KIF1B: variants seen among roughly 807,000 people sequenced by gnomAD.
KIF1B encodes kinesin-like protein KIF1B.
KIF1B carries 76 observed loss-of-function variants against 241.9 expected under a neutral mutation model. That is an observed-to-expected ratio of 0.31 (90% confidence interval 0.26 to 0.38). The LOEUF is 0.38. Among genes scored for constraint, KIF1B ranks in the 10% least tolerant of loss-of-function variants. The probability of loss-of-function intolerance (pLI) is 1.00; values close to 1 mark genes in which losing one functional copy is unlikely to be tolerated. For synonymous variants in KIF1B, 750 were observed against 796.7 expected (o/e 0.94, Z 0.99); for missense variants, 1,622 against 2,271.4 (o/e 0.71, Z 5.81).
Position 10,365,422 on chromosome 1 carries a change from G to T in KIF1B, c.4526G>T (p.Arg1509Leu). The change falls in exon 43 of 49, where the codon CGC becomes CTC. Residue 1509 changes from arginine to leucine, a missense_variant. Physicochemically the swap from Arg to Leu is moderately radical, Grantham distance 102. Coordinates refer to ENST00000676179, the MANE Select transcript of KIF1B (RefSeq NM_001365951.3). The surrounding 1 kb of genome is among the most constrained non-coding windows in gnomAD (Gnocchi z 4.0). ...TGATCTTCTCAGGTGGAAAAAACCC[G>T]CCACTTTTTGCTGCTGCGTGAGAGA... ...LELLHEVEKT[R>L]HFLLLRERLG... The T allele has an allele frequency of 1.2e-6, 2 of 1,614,076 alleles. No individual in the cohort carries two copies. Among genetic ancestry groups the T allele is most frequent in the Non-Finnish European group, 1.7e-6 (2 of 1,180,008 alleles).
intron 38 of KIF1B, 33 bp from the exon 39 acceptor site, chr1:10,360,896 T>C (rs1485609822): frequency 6.8e-7 from 1 of 1,474,256 alleles, no homozygotes; most frequent in African/African-American, 1.4e-5. Context: ...TTAGCTTCTT[T>C]TGGATGATTC....
intron 37 of KIF1B, 59 bp downstream of exon 37, chr1:10,348,792 T>TTTC: frequency 4.6e-6 from 6 of 1,305,628 alleles, no homozygotes; most frequent in Non-Finnish European, 6.6e-6. Flanking sequence ...TTTTTTTTTT[T>TTTC]TGAGATAGGG....
At chr1:10,301,323 T>C (rs1183163826) in intron 22 of KIF1B, among the ~76,000 whole-genome samples, 1 of 152,146 alleles carries the variant, frequency 6.6e-6, no homozygotes, top group Non-Finnish European at 1.5e-5. Flanking sequence ...GAACTACTCA[T>C]CTGTGAGTTG....
At chr1:10,261,086 C>G (rs1348223880) in intron 4 of KIF1B, among the ~76,000 whole-genome samples, 1 of 151,472 alleles carries the variant, frequency 6.6e-6, no homozygotes, top group African/African-American at 2.4e-5. Flanking sequence ...TGTGCCTTAG[C>G]CTCCTGAGTA....
chr1:10,237,563 A>G (rs1167009184), intron 2 of KIF1B, among the ~76,000 whole-genome samples: 1 of 151,984 alleles, frequency 6.6e-6, no homozygotes, highest in African/African-American at 2.4e-5. Flanking sequence ...CCAGTGCCCA[A>G]TCTTGGTTGG....
intron 10 of KIF1B, chr1:10,274,899 ACCTTTT>A (rs1649018315): frequency 2.5e-6 from 1 of 394,288 alleles, no homozygotes; most frequent in Admixed American, 3.4e-5. Flanking sequence ...AAAAAACATG[ACCTTTT>A]CCTTCACAGT....
At chr1:10,313,064 TTTG>T (rs967740029) in intron 22 of KIF1B, among the ~76,000 whole-genome samples, 1 of 151,352 alleles carries the variant, frequency 6.6e-6, no homozygotes, top group Non-Finnish European at 1.5e-5. Context: ...TTTGTTTTGT[TTTG>T]TTTTTTGTTT....
chr1:10,280,258 T>C (rs1232899976), intron 14 of KIF1B, among the ~76,000 whole-genome samples: 2 of 152,062 alleles, frequency 1.3e-5, no homozygotes, highest in South Asian at 2.1e-4. Context: ...TTTTTTGAGA[T>C]GGAGTCTTGC....
At chr1:10,351,802 C>A (rs957007838) in intron 37 of KIF1B, among the ~76,000 whole-genome samples, 2 of 151,688 alleles carry the variant, frequency 1.3e-5, no homozygotes, top group African/African-American at 4.8e-5. Context: ...CCCGTCTCTA[C>A]AAAAAAATAA....
Position 10,218,455 on chromosome 1 carries a change from C to G in KIF1B, c.-80+7577C>G, listed in dbSNP as rs533823281. Among the ~76,000 whole-genome samples, 79 of 151,714 alleles carry G rather than the reference C, an allele frequency of 5.2e-4. 1 individual carries two copies. Among genetic ancestry groups the G allele is most frequent in the African/African-American group, 1.7e-3 (70 of 41,368 alleles). Reference sequence around the variant, plus strand: ...TTTTTTTTTGAGACAGAGTCTCGCTCTGTCATCCAGGCTAGAGTGCAGTGG... The same window carrying G: ...TTTTTTTTTGAGACAGAGTCTCGCTGTGTCATCCAGGCTAGAGTGCAGTGG... On this transcript the variant is annotated intron_variant, in intron 1 of 48. Transcript: ENST00000676179.
intron 1 of KIF1B, among the ~76,000 whole-genome samples, chr1:10,228,657 C>T (rs767574646): frequency 1.1e-4 from 16 of 152,234 alleles, no homozygotes; most frequent in South Asian, 1.0e-3. Context: ...AAAAGGCCCC[C>T]GTGTCATTCT....
intron 12 of KIF1B, 68 bp from the exon 13 acceptor site, chr1:10,277,918 T>C: frequency 1.5e-6 from 2 of 1,346,356 alleles, no homozygotes; most frequent in Non-Finnish European, 2.1e-6. Flanking sequence ...TTAGAGATAA[T>C]AGTATGTTAC....
At position 10,220,401 on chromosome 1, in the gene KIF1B, A is replaced by AGATAGAT. The variant is rs1557644197; in HGVS notation, c.-80+9524_-80+9530dup. Among the ~76,000 whole-genome samples, 123 of 54,726 alleles carry AGATAGAT rather than the reference A, an allele frequency of 2.2e-3. 1 individual carries two copies. The highest frequency in any genetic ancestry group is 6.1e-3 in the African/African-American group (113 of 18,380). 35.9% of individuals were successfully genotyped at this position (54,726 alleles called of 152,430 possible). On this transcript the variant is annotated intron_variant, in intron 1 of 48. Transcript: ENST00000676179. ...ATAGATAGATAGATAGATAGATGAT[A>AGATAGAT]GATAGATAGATAGATAGATAGATAG...
Position 10,303,559 on chromosome 1 carries a change from G to A in KIF1B, c.2115+6313G>A, listed in dbSNP as rs374263753. On this transcript the variant is annotated intron_variant, in intron 22 of 48. Transcript: ENST00000676179. This position sits in a 1 kb window ranked among gnomAD's most constrained non-coding sequence, Gnocchi z 5.2. ...CTCCTGGAGGGCAGTGGCCAGGGAC[G>A]TCTGGGATACCGTCGGTGTTGGGGA... 4.1e-4 allele frequency: 662 copies of A among 1,614,192 alleles called. 1 individual carries two copies. The highest frequency in any genetic ancestry group is 5.3e-4 in the Non-Finnish European group (627 of 1,180,032).
chr1:10,360,787 C>T, intron 38 of KIF1B, 142 bp from the exon 39 acceptor site: 2 of 712,584 alleles, frequency 2.8e-6, no homozygotes, highest in South Asian at 3.0e-5. Context: ...GATAAGGGTT[C>T]CTCTCTGTTA....
chr1:10,333,747 T>G (rs781485873), intron 27 of KIF1B, among the ~76,000 whole-genome samples: 12 of 152,154 alleles, frequency 7.9e-5, no homozygotes, highest in Non-Finnish European at 1.6e-4. Context: ...GGAATTTATT[T>G]TAGAGTTATT....
At chr1:10,229,867 C>CAAAAAAAAAAAAAAAAAAAAAAAAAAA (rs58923572) in intron 1 of KIF1B, among the ~76,000 whole-genome samples, 2 of 56,454 alleles carry the variant, frequency 3.5e-5, no homozygotes, top group African/African-American at 1.8e-4. Context: ...GACTCCGTCT[C>CAAAAAAAAAAAAAAAAAAAAAAAAAAA]AAAAAAAAAA....
intron 10 of KIF1B, chr1:10,274,918 GA>G: frequency 5.0e-6 from 2 of 396,262 alleles, no homozygotes; most frequent in Admixed American, 3.4e-5. Flanking sequence ...TTCACAGTAA[GA>G]AAAAGGATAA....
In KIF1B at chr1:10,348,719, G is replaced by A. The variant is rs766432835; in HGVS notation, c.3935G>A (p.Arg1312His). 5.6e-6 allele frequency: 9 copies of A among 1,613,626 alleles called. No homozygotes were observed. The highest frequency in any genetic ancestry group is 1.1e-5 in the South Asian group (1 of 91,050). ...KGSELHWKDV[R>H]ELVVGRIRNK... ...AGCGAGCTCCATTGGAAAGATGTTCGTGAACTGGTGGTAGGTGAGTACGTT... is the reference window on the plus strand; with the variant it reads ...AGCGAGCTCCATTGGAAAGATGTTCATGAACTGGTGGTAGGTGAGTACGTT... The change falls in exon 37 of 49, where the codon CGT becomes CAT. Residue 1312 changes from arginine to histidine, a missense_variant. Around this residue, in one of 7 missense-constraint regions of KIF1B, gnomAD observed 803 missense variants for 1,112.0 expected, o/e 0.72. Transcript: ENST00000676179.
Sources: allele counts gnomAD v4.1 joint callset (sites outside exome capture counted in the v4.1 genomes callset), GRCh38; gene constraint gnomAD v4.1.1; regional missense constraint gnomAD v4.1.1; non-coding constraint Gnocchi (gnomAD v3.1); transcripts MANE v1.5; gene names NCBI Gene and HGNC (gene_info 2026-07-23, HGNC 2026-07-21).